The following UGP2 variants were observed in gnomAD, a reference collection of about 807,000 sequenced individuals.
UGP2 encodes the protein UDP-glucose pyrophosphorylase 2.
A neutral mutation model predicts 49.0 loss-of-function variants in UGP2; 40 were observed. That is an observed-to-expected ratio of 0.82 (90% CI 0.63 to 1.06). The LOEUF (loss-of-function observed/expected upper bound fraction) is 1.06. UGP2 is among the 50% of genes least tolerant of loss of function. The pLI, the probability that UGP2 is intolerant of heterozygous loss-of-function variation, is 0.00. For synonymous variants in UGP2, 225 were observed against 213.0 expected (o/e 1.06, Z -0.49); for missense variants, 460 against 603.5 (o/e 0.76, Z 2.49).
At chr2:63,864,549 T>C (rs1390048428) in intron 3 of UGP2, among the ~76,000 whole-genome samples, 1 of 152,216 alleles carries the variant, frequency 6.6e-6, no homozygotes, top group Non-Finnish European at 1.5e-5. Flanking sequence ...TTTTTCATAA[T>C]GCAAGACACA....
At chr2:63,870,675 TA>T (rs1176655581) in intron 3 of UGP2, among the ~76,000 whole-genome samples, 1 of 152,250 alleles carries the variant, frequency 6.6e-6, no homozygotes, top group African/African-American at 2.4e-5. Flanking sequence ...CCGTTTGTTT[TA>T]TTCATTTATT....
At chr2:63,869,321 A>C (rs1002635493) in intron 3 of UGP2, among the ~76,000 whole-genome samples, 2 of 152,232 alleles carry the variant, frequency 1.3e-5, no homozygotes, top group African/African-American at 4.8e-5. Flanking sequence ...TAAAGCATTT[A>C]ATATTATCAC....
intron 3 of UGP2, among the ~76,000 whole-genome samples, chr2:63,866,026 C>A (rs576717543): frequency 6.6e-6 from 1 of 152,000 alleles, no homozygotes; most frequent in Non-Finnish European, 1.5e-5. Flanking sequence ...GAATTGAATG[C>A]TTTGGGAAAC....
chr2:63,864,267 G>A (rs1452701605), intron 3 of UGP2, among the ~76,000 whole-genome samples: 1 of 152,182 alleles, frequency 6.6e-6, no homozygotes, highest in Non-Finnish European at 1.5e-5. Context: ...TTCAGAGTAA[G>A]TCACCTAAGA....
upstream of UGP2, chr2:63,841,882 G>A (rs144992553): frequency 2.4e-3 from 809 of 340,804 alleles, 1 homozygote; most frequent in Middle Eastern, 3.9e-3. Flanking sequence ...AGTTCGTGTG[G>A]TTTTACCTTT....
At position 63,871,779 on chromosome 2, in the gene UGP2, A is replaced by T. The variant is rs529487731; in HGVS notation, c.256-10687A>T. ...CCAACATATAGCCTTAGTTAGAGAG[A>T]CCCTCTTTTCTCTGGCCATCCTGAG... On this transcript the variant is annotated intron_variant, in intron 3 of 9. Coordinates refer to ENST00000337130, the MANE Select transcript of UGP2 (RefSeq NM_006759.4). 1.1e-4 allele frequency among the ~76,000 whole-genome samples: 16 copies of T among 152,168 alleles called. No individual in the cohort carries two copies. In the South Asian group the frequency reaches 3.3e-3, roughly 32 times the overall value.
Position 63,842,201 on chromosome 2 carries a change from C to G in UGP2, c.16C>G (p.Gln6Glu), listed in dbSNP as rs879033238. 1.0e-5 allele frequency: 16 copies of G among 1,601,358 alleles called. No individual in the cohort carries two copies. Among genetic ancestry groups the G allele is most frequent in the Non-Finnish European group, 1.4e-5 (16 of 1,176,560 alleles). The change falls in exon 1 of 10, where the codon CAA becomes GAA. Residue 6 changes from glutamine to glutamate, a missense_variant. Physicochemically the swap from Gln to Glu is conservative, Grantham distance 29 (BLOSUM62 2). Transcript: ENST00000337130. The stretch of plus-strand genomic sequence containing the variant: ...AGCCCCTAAAATGTCGAGATTTGTA[C>G]AAGGTAAGAAATGCTGCTGCTTATA... MSRFV[Q>E]DLSKAMSQDG...
In UGP2 at chr2:63,877,334, A is replaced by C. The variant is rs569619773; in HGVS notation, c.256-5132A>C. 3.9e-5 allele frequency among the ~76,000 whole-genome samples: 6 copies of C among 152,382 alleles called. No individual in the cohort carries two copies. In the South Asian group the frequency reaches 1.2e-3, roughly 32 times the overall value. On this transcript the variant is annotated intron_variant, in intron 3 of 9. Transcript: ENST00000337130. The stretch of plus-strand genomic sequence containing the variant: ...TTTCCTTCCTCTCTAATAGTAACTG[A>C]CTGAAGTGAAGCTCTGTCCTCTCAG...
chr2:63,873,465 T>A (rs1416278973), intron 3 of UGP2, among the ~76,000 whole-genome samples: 1 of 152,206 alleles, frequency 6.6e-6, no homozygotes, highest in Non-Finnish European at 1.5e-5. Flanking sequence ...TGAAGTAAAT[T>A]GTAAGCAAAC....
upstream of UGP2, among the ~76,000 whole-genome samples, chr2:63,841,522 G>C (rs1671533218): frequency 6.6e-6 from 1 of 152,154 alleles, no homozygotes; most frequent in Non-Finnish European, 1.5e-5. Flanking sequence ...GCTGCGGCCG[G>C]GTTTCACTGC....
intron 3 of UGP2, among the ~76,000 whole-genome samples, chr2:63,878,209 A>T (rs915233448): frequency 1.3e-5 from 2 of 152,126 alleles, no homozygotes; most frequent in African/African-American, 4.8e-5. Flanking sequence ...TTGTATGAAC[A>T]TCTCATGTAA....
At chr2:63,865,730 G>A (rs1670140967) in intron 3 of UGP2, among the ~76,000 whole-genome samples, 1 of 151,752 alleles carries the variant, frequency 6.6e-6, no homozygotes, top group African/African-American at 2.4e-5. Context: ...ATAAAGACAA[G>A]GTCTCGCTGT....
intron 1 of UGP2, among the ~76,000 whole-genome samples, chr2:63,848,509 G>C (rs1396123152): frequency 6.6e-6 from 1 of 152,114 alleles, no homozygotes; most frequent in Non-Finnish European, 1.5e-5. Flanking sequence ...AATTATAGGT[G>C]CACGCCACCA....
chr2:63,847,134 G>T lies in UGP2; in HGVS notation c.19+4930G>T, dbSNP rs569175118. On this transcript the variant is annotated intron_variant, in intron 1 of 9. Coordinates refer to ENST00000337130, the MANE Select transcript of UGP2 (RefSeq NM_006759.4). Reference sequence around the variant, plus strand: ...TACTGAGGAAAAAAAATTGATAAGGGACATTAGAGAAATTAGAAATATTAA... The same window carrying T: ...TACTGAGGAAAAAAAATTGATAAGGTACATTAGAGAAATTAGAAATATTAA... 2.2e-4 allele frequency among the ~76,000 whole-genome samples: 33 copies of T among 152,184 alleles called. No individual in the cohort carries two copies. The South Asian group carries it at 6.0e-3, about 28-fold the overall frequency.
chr2:63,854,889 C>T (rs965307160), intron 1 of UGP2: 1 of 152,208 alleles, frequency 6.6e-6, no homozygotes, highest in Non-Finnish European at 1.5e-5. Flanking sequence ...TCAAGTCTGC[C>T]TCTGAAACTT....
chr2:63,863,210 C>T (rs1208711323), intron 3 of UGP2, among the ~76,000 whole-genome samples: 1 of 152,112 alleles, frequency 6.6e-6, no homozygotes. Context: ...ACTCAGAAGT[C>T]TTTGAACTTC....
intron 1 of UGP2, 47 bp downstream of exon 1, chr2:63,842,251 G>C (rs544093449): frequency 6.2e-7 from 1 of 1,607,992 alleles, no homozygotes; most frequent in African/African-American, 1.3e-5. Context: ...AGGCAAATTT[G>C]GGTACTGACA....
rs1671385501 is a variant in UGP2, at chr2:63,882,492, C to A, written c.282C>A (p.Ala94=). The A allele has an allele frequency of 6.2e-7, 1 of 1,600,508 alleles. No individual in the cohort carries two copies. Among genetic ancestry groups the A allele is most frequent in the African/African-American group, 1.3e-5 (1 of 74,756 alleles). The change falls in exon 4 of 10, where the codon GCC becomes GCA. Residue 94 remains alanine (A), a synonymous_variant. Coordinates refer to ENST00000337130, the MANE Select transcript of UGP2 (RefSeq NM_006759.4). The part of the protein sequence containing the change: ...DSIQPYEKIK[A]RGLPDNISSV... The stretch of plus-strand genomic sequence containing the variant: ...TTCAACCCTATGAAAAGATAAAGGC[C>A]AGGGGCTTGCCTGATAATATATCTT...
At chr2:63,863,335 T>G (rs1384999448) in intron 3 of UGP2, among the ~76,000 whole-genome samples, 1 of 152,210 alleles carries the variant, frequency 6.6e-6, no homozygotes, top group Admixed American at 6.5e-5. Flanking sequence ...CCACAGTGTT[T>G]TACTTATTTC....
Sources: gnomAD v4.1 joint callset for allele counts (sites outside exome capture counted in the v4.1 genomes callset) on GRCh38, gnomAD v4.1.1 for gene constraint, MANE v1.5 for transcripts, NCBI Gene and HGNC (gene_info 2026-07-23, HGNC 2026-07-21) for gene names.